The following KCNIP4 variants were observed in gnomAD, a reference collection of about 807,000 sequenced individuals.
The protein encoded by KCNIP4 is potassium voltage-gated channel interacting protein 4.
A neutral mutation model predicts 34.0 loss-of-function variants in KCNIP4; 12 were observed. That is an observed-to-expected ratio of 0.35 (90% confidence interval 0.23 to 0.57). KCNIP4 has a LOEUF of 0.57. Ranked by LOEUF, KCNIP4 falls within the 20% of genes least tolerant of loss-of-function variation. KCNIP4 has a pLI of 0.83. For missense variants in KCNIP4, 238 were observed against 311.7 expected (o/e 0.76, Z 1.78); for synonymous variants, 124 against 102.2 (o/e 1.21, Z -1.29).
chr4:21,054,606 C>G (rs1036369728), intron 1 of KCNIP4, among the ~76,000 whole-genome samples: 2 of 148,928 alleles, frequency 1.3e-5, no homozygotes, highest in Non-Finnish European at 3.0e-5. Context: ...GTCAACTGGT[C>G]TTTTACAAAG....
chr4:21,532,552 C>T (rs1367965705), intron 1 of KCNIP4, among the ~76,000 whole-genome samples: 4 of 152,152 alleles, frequency 2.6e-5, no homozygotes, highest in African/African-American at 9.7e-5. Flanking sequence ...TGAACTGTAA[C>T]ACCACACATA....
rs143635101 is a variant in KCNIP4 at position 21,231,649 on chromosome 4, T to C, written c.62-348940A>G. On this transcript the variant is annotated intron_variant, in intron 1 of 8. Coordinates refer to ENST00000382152, the MANE Select transcript of KCNIP4 (RefSeq NM_025221.6). ...TAGGAGACCATTGGGTTCTTCTCAG[T>C]AGGCTTATCATATACATTTACAGGA... 3.2e-3 allele frequency among the ~76,000 whole-genome samples: 484 copies of C among 152,258 alleles called. 3 individuals are homozygous for C. Among genetic ancestry groups the C allele is most frequent in the African/African-American group, 0.01 (420 of 41,558 alleles).
chr4:21,402,116 T>C (rs568453753), intron 1 of KCNIP4, among the ~76,000 whole-genome samples: 5 of 152,346 alleles, frequency 3.3e-5, no homozygotes, highest in African/African-American at 9.6e-5. Context: ...AGGTTACTTA[T>C]GGTAGACACA....
intron 1 of KCNIP4, among the ~76,000 whole-genome samples, chr4:21,777,204 C>A (rs1231463815): frequency 6.6e-6 from 1 of 152,188 alleles, no homozygotes; most frequent in Non-Finnish European, 1.5e-5. Flanking sequence ...GCTTCTCCAG[C>A]CATGCAGAAT....
intron 1 of KCNIP4, among the ~76,000 whole-genome samples, chr4:21,667,471 G>C (rs746362089): frequency 2.6e-5 from 4 of 152,314 alleles, no homozygotes; most frequent in Middle Eastern, 3.4e-3. Context: ...TGGAGACAGA[G>C]CCAGGAATAG....
intron 2 of KCNIP4, among the ~76,000 whole-genome samples, chr4:20,862,882 A>G (rs1203068291): frequency 2.0e-5 from 3 of 152,202 alleles, no homozygotes; most frequent in African/African-American, 7.2e-5. Context: ...ACAACCAAAT[A>G]CCGCACGTTC....
At chr4:20,953,328 A>G (rs1391492024) in intron 1 of KCNIP4, among the ~76,000 whole-genome samples, 1 of 152,180 alleles carries the variant, frequency 6.6e-6, no homozygotes, top group Non-Finnish European at 1.5e-5. Flanking sequence ...CATAATGACT[A>G]AAAGCAACTT....
chr4:21,280,994 C>T (rs564714961), intron 1 of KCNIP4, among the ~76,000 whole-genome samples: 46 of 152,072 alleles, frequency 3.0e-4, no homozygotes, highest in African/African-American at 1.0e-3. Context: ...CTCAAGTCCA[C>T]AGCTATCACG....
intron 1 of KCNIP4, among the ~76,000 whole-genome samples, chr4:21,133,866 G>A (rs183482956): frequency 3.3e-5 from 5 of 152,184 alleles, no homozygotes; most frequent in East Asian, 1.9e-4. Flanking sequence ...AAGCCCAGAC[G>A]TTTTGCTTCA....
At chr4:20,909,152 G>C (rs180930422) in intron 1 of KCNIP4, among the ~76,000 whole-genome samples, 2 of 152,186 alleles carry the variant, frequency 1.3e-5, no homozygotes, top group Admixed American at 6.5e-5. Flanking sequence ...CAAACGGTTT[G>C]CTTATTGAAT....
chr4:21,948,711 G>C lies in KCNIP4; in HGVS notation c.-80C>G, dbSNP rs1730643542. On this transcript the variant is annotated 5_prime_UTR_variant, in exon 1 of 9. Transcript: ENST00000382152. ...TCTGTCCACGGGTCTGCACGGGAGC[G>C]CACCGCCGCTCGGCCCGGGGGCGTC... is the stretch of plus-strand genomic sequence containing the variant. 6.9e-7 allele frequency: 1 copy of C among 1,439,740 alleles called. No homozygotes were observed. The allele number at this position is 1,439,740 out of a possible 1,614,324, so 89.2% of individuals were successfully genotyped here. A position where few individuals can be genotyped will look rare whatever the true frequency, so the allele number is the denominator to read the frequency against.
intron 1 of KCNIP4, among the ~76,000 whole-genome samples, chr4:20,883,101 C>T (rs954742086): frequency 5.3e-5 from 8 of 150,788 alleles, no homozygotes; most frequent in Admixed American, 2.0e-4. Flanking sequence ...TTCAAACCAG[C>T]GCTAAGGGCC....
At chr4:21,268,798 A>G (rs1373434260) in intron 1 of KCNIP4, among the ~76,000 whole-genome samples, 1 of 152,232 alleles carries the variant, frequency 6.6e-6, no homozygotes, top group Non-Finnish European at 1.5e-5. Flanking sequence ...CCCAAGACCC[A>G]CCTAGTCCAG....
At chr4:21,130,605 G>A (rs544784278) in intron 1 of KCNIP4, among the ~76,000 whole-genome samples, 6 of 152,236 alleles carry the variant, frequency 3.9e-5, no homozygotes, top group African/African-American at 1.2e-4. Flanking sequence ...TGTCCATGTA[G>A]GAGCTATTTA....
chr4:21,379,022 G>A (rs1036116490), intron 1 of KCNIP4, among the ~76,000 whole-genome samples: 1 of 152,010 alleles, frequency 6.6e-6, no homozygotes, highest in African/African-American at 2.4e-5. Context: ...ATCCATTTTT[G>A]AAATAGACAC....
intron 1 of KCNIP4, among the ~76,000 whole-genome samples, chr4:21,037,473 C>A (rs1015705184): frequency 6.6e-6 from 1 of 152,210 alleles, no homozygotes; most frequent in Non-Finnish European, 1.5e-5. Context: ...GATACTCATA[C>A]AATAGGTTGT....
chr4:21,754,810 T>G (rs1006925544), intron 1 of KCNIP4, among the ~76,000 whole-genome samples: 1 of 152,174 alleles, frequency 6.6e-6, no homozygotes, highest in African/African-American at 2.4e-5. Flanking sequence ...AACTTCAGAA[T>G]AAAATTTAGG....
At chr4:21,742,218 T>C (rs949012227) in intron 1 of KCNIP4, among the ~76,000 whole-genome samples, 2 of 152,188 alleles carry the variant, frequency 1.3e-5, no homozygotes, top group Non-Finnish European at 2.9e-5. Context: ...AATGTTTTTG[T>C]TGTCCAACCA....
chr4:21,413,314 T>A (rs929544507), intron 1 of KCNIP4, among the ~76,000 whole-genome samples: 3 of 152,158 alleles, frequency 2.0e-5, no homozygotes, highest in African/African-American at 7.2e-5. Context: ...CATCGAGAAA[T>A]GGCCATGGAA....
Sources: gnomAD v4.1 joint callset for allele counts (sites outside exome capture counted in the v4.1 genomes callset) on GRCh38, gnomAD v4.1.1 for gene constraint, MANE v1.5 for transcripts, NCBI Gene and HGNC (gene_info 2026-07-23, HGNC 2026-07-21) for gene names.